Variants in HCRTR2 observed in about 807,000 individuals in gnomAD.
HCRTR2 encodes hypocretin receptor 2.
HCRTR2 carries 22 observed loss-of-function variants against 49.0 expected under a neutral mutation model. The observed-to-expected ratio is 0.45, with a 90% CI of 0.32 to 0.64. The LOEUF is 0.64. Among genes scored for constraint, HCRTR2 ranks in the 30% least tolerant of loss-of-function variants. The pLI, the probability that HCRTR2 is intolerant of heterozygous loss-of-function variation, is 0.04. For missense variants in HCRTR2, 491 were observed against 559.4 expected (o/e 0.88, Z 1.23); for synonymous variants, 236 against 205.3 (o/e 1.15, Z -1.28).
At chr6:55,246,222 T>A (rs892686451) in intron 1 of HCRTR2, among the ~76,000 whole-genome samples, 1 of 152,100 alleles carries the variant, frequency 6.6e-6, no homozygotes, top group Non-Finnish European at 1.5e-5. Context: ...AATAAGTTTG[T>A]ATTGTTTTAA....
chr6:55,227,871 T>G (rs1766039522), intron 1 of HCRTR2, among the ~76,000 whole-genome samples: 1 of 151,912 alleles, frequency 6.6e-6, no homozygotes, highest in South Asian at 2.1e-4. Flanking sequence ...AAGATGCTAG[T>G]AACATAGGAA....
At chr6:55,200,366 G>A (rs1165959088) in intron 1 of HCRTR2, among the ~76,000 whole-genome samples, 6 of 151,692 alleles carry the variant, frequency 4.0e-5, no homozygotes, top group Admixed American at 3.3e-4. Flanking sequence ...CTGGGTTCAC[G>A]TGATTCTCCT....
intron 1 of HCRTR2, among the ~76,000 whole-genome samples, chr6:55,178,418 C>A (rs1209438498): frequency 6.6e-6 from 1 of 151,926 alleles, no homozygotes; most frequent in East Asian, 1.9e-4. Context: ...TTTATAATTA[C>A]AAATTAAAGA....
chr6:55,272,988 A>G (rs1315190628), intron 4 of HCRTR2, among the ~76,000 whole-genome samples: 1 of 151,874 alleles, frequency 6.6e-6, no homozygotes, highest in East Asian at 1.9e-4. Flanking sequence ...CATAAGGGCC[A>G]TCTGTACACT....
intron 5 of HCRTR2, among the ~76,000 whole-genome samples, chr6:55,279,229 C>A (rs1410787999): frequency 6.6e-6 from 1 of 151,896 alleles, no homozygotes; most frequent in African/African-American, 2.4e-5. Flanking sequence ...TTTATCCTTG[C>A]ATATGAAATT....
chr6:55,282,726 T>G (rs2127336045), downstream of HCRTR2: 1 of 414,952 alleles, frequency 2.4e-6, no homozygotes, highest in South Asian at 3.0e-5. Flanking sequence ...CAATTAAATG[T>G]TTAAACATTT....
At chr6:55,195,839 G>T (rs1171201145) in intron 1 of HCRTR2, among the ~76,000 whole-genome samples, 1 of 151,958 alleles carries the variant, frequency 6.6e-6, no homozygotes, top group East Asian at 1.9e-4. Context: ...GTGGTGGTGG[G>T]TGCCTGTAGT....
At chr6:55,170,220 A>G (rs1764928813), upstream of HCRTR2, among the ~76,000 whole-genome samples, 2 of 149,724 alleles carry the variant, frequency 1.3e-5, no homozygotes, top group African/African-American at 2.4e-5. Flanking sequence ...TATACATAGT[A>G]TTTGTATATA....
chr6:55,277,444 G>C lies in HCRTR2; in HGVS notation c.827G>C (p.Arg276Pro), dbSNP rs756748911. ...WKPLQPVSQPRGPGQPTKSRM... is the reference protein window; with the variant it reads ...WKPLQPVSQPPGPGQPTKSRM... ...CCCCTGCAGCCTGTTTCACAGCCTC[G>C]AGGGCCAGGACAGCCAACGAAGTCC... The change falls in exon 5 of 7, where the codon CGA becomes CCA. Residue 276 changes from arginine to proline, a missense_variant. Transcript: ENST00000370862. 8.7e-6 allele frequency: 14 copies of C among 1,613,946 alleles called. No individual in the cohort carries two copies. The highest frequency in any genetic ancestry group is 8.0e-5 in the African/African-American group (6 of 74,920).
At chr6:55,278,443 T>A (rs1767121669) in intron 5 of HCRTR2, among the ~76,000 whole-genome samples, 1 of 152,178 alleles carries the variant, frequency 6.6e-6, no homozygotes, top group South Asian at 2.1e-4. Context: ...TCCTCACAGC[T>A]GGGAACTCTG....
At chr6:55,179,275 C>A (rs544980417) in intron 1 of HCRTR2, among the ~76,000 whole-genome samples, 2 of 151,968 alleles carry the variant, frequency 1.3e-5, no homozygotes, top group Admixed American at 1.3e-4. Flanking sequence ...TTTCTAAACC[C>A]TTTTTAGATA....
chr6:55,265,081 C>A (rs1581866025), intron 4 of HCRTR2, among the ~76,000 whole-genome samples: 1 of 152,100 alleles, frequency 6.6e-6, no homozygotes, highest in South Asian at 2.1e-4. Flanking sequence ...ACAAAGAAGT[C>A]ATTTCTTTTA....
chr6:55,116,254 A>G (rs963826621), intron 1 of HCRTR2, among the ~76,000 whole-genome samples: 2 of 151,894 alleles, frequency 1.3e-5, no homozygotes, highest in East Asian at 1.9e-4. Flanking sequence ...CACATAGTAT[A>G]ACATTGTTTA....
chr6:55,255,567 CT>C (rs1327461666), intron 3 of HCRTR2, among the ~76,000 whole-genome samples, 188 bp downstream of exon 3: 2 of 152,122 alleles, frequency 1.3e-5, no homozygotes, highest in African/African-American at 4.8e-5. Flanking sequence ...TATCTGAATC[CT>C]TTGGAAATGT....
At chr6:55,175,176 T>A (rs1014726305) in intron 1 of HCRTR2, among the ~76,000 whole-genome samples, 2 of 151,890 alleles carry the variant, frequency 1.3e-5, no homozygotes, top group African/African-American at 4.8e-5. Context: ...TTGTGTAACG[T>A]GGCTGGGTGT....
chr6:55,217,157 C>T (rs1429947741), intron 1 of HCRTR2, among the ~76,000 whole-genome samples: 1 of 152,118 alleles, frequency 6.6e-6, no homozygotes, highest in Admixed American at 6.5e-5. Context: ...TGGGCCTGTC[C>T]CCTGAAACTA....
chr6:55,239,227 A>G (rs1193107812), intron 1 of HCRTR2, among the ~76,000 whole-genome samples: 1 of 152,210 alleles, frequency 6.6e-6, no homozygotes, highest in Non-Finnish European at 1.5e-5. Context: ...TCCTCAGGCC[A>G]GCCTTAAAGG....
chr6:55,158,452 C>G (rs1764760140), intron 1 of HCRTR2, among the ~76,000 whole-genome samples: 1 of 152,138 alleles, frequency 6.6e-6, no homozygotes, highest in Admixed American at 6.5e-5. Flanking sequence ...GCCAGTGAGA[C>G]AGAACCATTC....
intron 4 of HCRTR2, among the ~76,000 whole-genome samples, chr6:55,265,889 C>G (rs1766851505): frequency 6.6e-6 from 1 of 152,046 alleles, no homozygotes; most frequent in Non-Finnish European, 1.5e-5. Flanking sequence ...TCAGGTGTGT[C>G]CAAGGGAGAG....
Sources: gnomAD v4.1 joint callset for allele counts (sites outside exome capture counted in the v4.1 genomes callset) on GRCh38, gnomAD v4.1.1 for gene constraint, MANE v1.5 for transcripts, NCBI Gene and HGNC (gene_info 2026-07-23, HGNC 2026-07-21) for gene names.